Variants in CHD9 observed in about 807,000 individuals in gnomAD.
CHD9 encodes the protein chromodomain helicase DNA binding protein 9.
Under a neutral mutation model 316.1 loss-of-function variants are expected in CHD9, and 77 were observed. The ratio of observed to expected loss-of-function variants is 0.24; its 90% CI spans 0.20 to 0.29. The LOEUF (loss-of-function observed/expected upper bound fraction) is 0.29. Among genes scored for constraint, CHD9 ranks in the 10% least tolerant of loss-of-function variants. The probability of loss-of-function intolerance (pLI) is 1.00; values close to 1 mark genes in which losing one functional copy is unlikely to be tolerated. For missense variants in CHD9, 2,763 were observed against 3,438.1 expected (o/e 0.80, Z 4.91); for synonymous variants, 1,129 against 1,158.3 (o/e 0.97, Z 0.51).
chr16:53,130,580 C>G (rs1476529456), intron 1 of CHD9, among the ~76,000 whole-genome samples: 1 of 150,756 alleles, frequency 6.6e-6, no homozygotes, highest in East Asian at 2.0e-4. Flanking sequence ...TGCACTGCCC[C>G]GCGCTCCGGC....
chr16:53,213,768 GT>G (rs1567491758), intron 3 of CHD9, among the ~76,000 whole-genome samples: 1 of 152,122 alleles, frequency 6.6e-6, no homozygotes, highest in African/African-American at 2.4e-5. Flanking sequence ...ATGTTTCCAT[GT>G]TGTCAGTTGG....
At position 53,304,552 on chromosome 16, in the gene CHD9, C is replaced by A; in HGVS notation, c.6546C>A (p.Thr2182=). The A allele has an allele frequency of 6.5e-7, 1 of 1,545,898 alleles. No homozygotes were observed. Among genetic ancestry groups the A allele is most frequent in the Non-Finnish European group, 8.8e-7 (1 of 1,141,532 alleles). The change falls in exon 31 of 39, where the codon ACC becomes ACA. Residue 2182 remains threonine, a synonymous_variant. Coordinates refer to ENST00000447540, the MANE Select transcript of CHD9 (RefSeq NM_001308319.2). The part of the protein sequence containing the change: ...SSASSSSSSS[T]SSSSSSSSSS... ...CATCTTCTTCATCCTCTTCCTCCAC[C>A]TCTTCCTCCTCCTCCTCCTCTTCAT...
intron 24 of CHD9, among the ~76,000 whole-genome samples, chr16:53,278,088 A>G (rs1237147123): frequency 6.6e-6 from 1 of 151,902 alleles, no homozygotes; most frequent in Non-Finnish European, 1.5e-5. Flanking sequence ...ACTACAAAAC[A>G]CTCCTGAAAG....
chr16:53,070,432 G>T (rs962659621), intron 1 of CHD9, among the ~76,000 whole-genome samples: 3 of 151,718 alleles, frequency 2.0e-5, no homozygotes, highest in African/African-American at 7.3e-5. Context: ...GTCATGTAAG[G>T]TTAAGGATAC....
intron 1 of CHD9, among the ~76,000 whole-genome samples, chr16:53,104,042 G>T (rs2037113436): frequency 6.6e-6 from 1 of 152,162 alleles, no homozygotes; most frequent in African/African-American, 2.4e-5. Flanking sequence ...GCCTGCACAG[G>T]AAATACCTGG....
At chr16:53,303,141 C>T (rs571247597) in intron 30 of CHD9, among the ~76,000 whole-genome samples, 6 of 151,132 alleles carry the variant, frequency 4.0e-5, no homozygotes, top group South Asian at 4.2e-4. Context: ...GCTTTGAATG[C>T]GGCCCATCAC....
chr16:53,153,220 A>G (rs547379599), intron 1 of CHD9, among the ~76,000 whole-genome samples: 74 of 152,304 alleles, frequency 4.9e-4, no homozygotes, highest in Non-Finnish European at 4.7e-4. Context: ...CAGATTCCTC[A>G]AGTTTGTTGT....
intron 2 of CHD9, among the ~76,000 whole-genome samples, chr16:53,161,944 G>A (rs2041943037): frequency 6.6e-6 from 1 of 152,150 alleles, no homozygotes; most frequent in Admixed American, 6.5e-5. Flanking sequence ...TGTAGAGATG[G>A]GGTTTTGCCA....
intron 27 of CHD9, among the ~76,000 whole-genome samples, chr16:53,291,443 TA>T (rs2054324396): frequency 1.3e-5 from 2 of 152,154 alleles, no homozygotes; most frequent in Admixed American, 1.3e-4. Context: ...TACCCATAGT[TA>T]GAGGAAGGTT....
At chr16:53,236,561 C>T (rs1331780357) in intron 11 of CHD9, among the ~76,000 whole-genome samples, 4 of 151,916 alleles carry the variant, frequency 2.6e-5, no homozygotes, top group African/African-American at 9.7e-5. Flanking sequence ...AATAAACCTT[C>T]TCTTGGCTCT....
At chr16:53,323,679 G>A (rs917481932) in intron 38 of CHD9, among the ~76,000 whole-genome samples, 1 of 152,140 alleles carries the variant, frequency 6.6e-6, no homozygotes, top group Non-Finnish European at 1.5e-5. Context: ...TAGGACAAGT[G>A]ATGGTGTGAA....
At chr16:53,186,669 C>G (rs1291762955) in intron 2 of CHD9, among the ~76,000 whole-genome samples, 1 of 152,106 alleles carries the variant, frequency 6.6e-6, no homozygotes, top group Non-Finnish European at 1.5e-5. Flanking sequence ...TCCCGTAATC[C>G]TTATGTATTG....
At chr16:53,208,165 G>A in intron 2 of CHD9, 7 of 1,085,576 alleles carry the variant, frequency 6.4e-6, no homozygotes, top group Non-Finnish European at 7.9e-6. Flanking sequence ...GAAATGTGTT[G>A]ATAAATCAAA....
At chr16:53,102,170 C>A (rs778824368) in intron 1 of CHD9, among the ~76,000 whole-genome samples, 1 of 152,172 alleles carries the variant, frequency 6.6e-6, no homozygotes, top group Non-Finnish European at 1.5e-5. Flanking sequence ...GGCTGGTCTT[C>A]ACTAGGACTC....
chr16:53,257,714 G>A (rs956820451), intron 19 of CHD9, among the ~76,000 whole-genome samples: 2 of 152,106 alleles, frequency 1.3e-5, no homozygotes, highest in African/African-American at 4.8e-5. Context: ...AGAGTTGCCT[G>A]GGACACAGAT....
chr16:53,225,612 A>G (rs1165425374), intron 4 of CHD9, among the ~76,000 whole-genome samples: 3 of 152,088 alleles, frequency 2.0e-5, no homozygotes, highest in Non-Finnish European at 4.4e-5. Context: ...TTATCTTACT[A>G]CATGTAATAC....
chr16:53,087,306 A>C (rs932853169), intron 1 of CHD9, among the ~76,000 whole-genome samples: 2 of 152,146 alleles, frequency 1.3e-5, no homozygotes, highest in Non-Finnish European at 2.9e-5. Context: ...CACGGAGCAG[A>C]GAACACCGGT....
At chr16:53,264,240 ATAATTT>A (rs1457882169) in intron 20 of CHD9, among the ~76,000 whole-genome samples, 1 of 152,170 alleles carries the variant, frequency 6.6e-6, no homozygotes. Context: ...ACTAGAAAAA[ATAATTT>A]TAAATTTTTT....
At chr16:53,101,371 C>T (rs1191477310) in intron 1 of CHD9, among the ~76,000 whole-genome samples, 1 of 149,538 alleles carries the variant, frequency 6.7e-6, no homozygotes, top group Non-Finnish European at 1.5e-5. Context: ...AATTCCCATA[C>T]TCAAGTGGTC....
Sources: allele counts gnomAD v4.1 joint callset (sites outside exome capture counted in the v4.1 genomes callset), GRCh38; gene constraint gnomAD v4.1.1; transcripts MANE v1.5; gene names NCBI Gene and HGNC (gene_info 2026-07-23, HGNC 2026-07-21).